The following DAPL1 variants were observed in gnomAD, a reference collection of about 807,000 sequenced individuals.
DAPL1 encodes the protein death associated protein like 1, also known as death-associated protein-like 1.
DAPL1 carries 17 observed loss-of-function variants against 12.9 expected under a neutral mutation model. The observed-to-expected ratio is 1.32, with a 90% CI of 0.90 to 1.98. The LOEUF is 1.98. Ranked by LOEUF, DAPL1 falls within the 30% of genes most tolerant of loss-of-function variation. DAPL1 has a pLI of 0.00. For missense variants in DAPL1, 157 were observed against 125.7 expected (o/e 1.25, Z -1.19); for synonymous variants, 51 against 42.0 (o/e 1.21, Z -0.82).
intron 1 of DAPL1, 125 bp downstream of exon 1, chr2:158,795,555 C>A: frequency 1.2e-6 from 1 of 869,298 alleles, no homozygotes; most frequent in South Asian, 1.6e-5. Context: ...TAACTCCATG[C>A]AGCCTGACTT....
chr2:158,809,357 C>CCAAAAAAAAAAAAAAAAA (rs2059218239), intron 3 of DAPL1, among the ~76,000 whole-genome samples: 1 of 69,528 alleles, frequency 1.4e-5, no homozygotes, highest in Non-Finnish European at 2.7e-5. Context: ...GACTCCATCT[C>CCAAAAAAAAAAAAAAAAA]AAAAAAAAAA....
chr2:158,804,766 G>A (rs1009845569), intron 2 of DAPL1, among the ~76,000 whole-genome samples: 1 of 152,222 alleles, frequency 6.6e-6, no homozygotes, highest in Non-Finnish European at 1.5e-5. Context: ...TGAAGTAAAT[G>A]TCCTGAATTA....
At chr2:158,811,887 C>T (rs1222456761) in intron 3 of DAPL1, among the ~76,000 whole-genome samples, 1 of 152,194 alleles carries the variant, frequency 6.6e-6, no homozygotes, top group Non-Finnish European at 1.5e-5. Context: ...AAAGCTGTTT[C>T]TACTTATTTG....
chr2:158,795,918 T>C (rs1019032746), intron 1 of DAPL1, among the ~76,000 whole-genome samples: 2 of 152,188 alleles, frequency 1.3e-5, no homozygotes, highest in African/African-American at 4.8e-5. Flanking sequence ...ATCACATTTC[T>C]TTCTCCCTCC....
chr2:158,804,447 C>A (rs929750245), intron 2 of DAPL1, 78 bp downstream of exon 2: 43 of 1,072,942 alleles, frequency 4.0e-5, no homozygotes, highest in Non-Finnish European at 5.2e-5. Flanking sequence ...TTAGGACAAA[C>A]CAAGGCTCCC....
rs549509457 is a variant in DAPL1 at position 158,805,668 on chromosome 2, C to T, written c.146+1299C>T. Among the ~76,000 whole-genome samples the T allele has an allele frequency of 2.7e-5, 4 of 148,624 alleles. 1 individual carries two copies. The highest frequency in any genetic ancestry group is 4.9e-5 in the African/African-American group (2 of 41,034). On this transcript the variant is annotated intron_variant, in intron 2 of 3. Coordinates refer to ENST00000309950, the MANE Select transcript of DAPL1 (RefSeq NM_001017920.3). ...GCCAAAGGACAGGTCATTCATTTCTCTGCATCTCAGAAAAATGGGACTTAC... is the reference window on the plus strand; with the variant it reads ...GCCAAAGGACAGGTCATTCATTTCTTTGCATCTCAGAAAAATGGGACTTAC...
intron 3 of DAPL1, 93 bp downstream of exon 3, chr2:158,807,208 T>A: frequency 1.1e-6 from 1 of 925,328 alleles, no homozygotes; most frequent in Non-Finnish European, 1.6e-6. Flanking sequence ...CTGAGGTTTT[T>A]TCCAACCCAG....
intron 3 of DAPL1, among the ~76,000 whole-genome samples, chr2:158,813,675 C>T (rs1011113081): frequency 1.3e-5 from 2 of 151,892 alleles, no homozygotes; most frequent in African/African-American, 4.8e-5. Flanking sequence ...CCTGCCTCAG[C>T]CTCCAGAGTA....
At chr2:158,811,838 G>A (rs2059232350) in intron 3 of DAPL1, among the ~76,000 whole-genome samples, 1 of 152,218 alleles carries the variant, frequency 6.6e-6, no homozygotes, top group Non-Finnish European at 1.5e-5. Context: ...AAGTTAAAAT[G>A]TCAGACTAAA....
intron 3 of DAPL1, chr2:158,807,563 G>A (rs1159879779): frequency 6.4e-6 from 1 of 156,170 alleles, no homozygotes; most frequent in East Asian, 1.9e-4. Context: ...GAGGAAGGCT[G>A]GGTACCAGCT....
intron 1 of DAPL1, among the ~76,000 whole-genome samples, chr2:158,803,573 C>T (rs976105308): frequency 6.6e-6 from 1 of 152,200 alleles, no homozygotes; most frequent in African/African-American, 2.4e-5. Flanking sequence ...TGGGTTGTTC[C>T]TTTTCAAAAG....
intron 3 of DAPL1, 26 bp downstream of exon 3, chr2:158,807,141 G>A (rs774227473): frequency 1.0e-5 from 16 of 1,581,772 alleles, no homozygotes; most frequent in South Asian, 2.3e-5. Context: ...ATCACATAGC[G>A]CTCCAAGTCA....
intron 3 of DAPL1, among the ~76,000 whole-genome samples, chr2:158,812,231 T>C (rs2059234939): frequency 6.6e-6 from 1 of 152,244 alleles, no homozygotes; most frequent in African/African-American, 2.4e-5. Context: ...TCCTACTTTT[T>C]TCTCAATCCT....
intron 1 of DAPL1, among the ~76,000 whole-genome samples, chr2:158,799,290 A>T: frequency 6.6e-6 from 1 of 152,204 alleles, no homozygotes; most frequent in East Asian, 1.9e-4. Flanking sequence ...AAATCAGTTC[A>T]TATTTTACTT....
At chr2:158,815,098 T>C (rs540374533) in intron 3 of DAPL1, among the ~76,000 whole-genome samples, 2 of 152,362 alleles carry the variant, frequency 1.3e-5, no homozygotes, top group South Asian at 2.1e-4. Context: ...TATTTACTCA[T>C]AGATGTCTTC....
At chr2:158,804,967 G>A (rs975007419) in intron 2 of DAPL1, among the ~76,000 whole-genome samples, 1 of 152,126 alleles carries the variant, frequency 6.6e-6, no homozygotes, top group Admixed American at 6.5e-5. Context: ...TAAGCAAATG[G>A]CCCAACCAGT....
At chr2:158,796,973 G>A (rs1316388793) in intron 1 of DAPL1, among the ~76,000 whole-genome samples, 1 of 152,216 alleles carries the variant, frequency 6.6e-6, no homozygotes, top group Non-Finnish European at 1.5e-5. Flanking sequence ...ACAAAGAAGT[G>A]TCATCCTTCA....
chr2:158,813,773 T>C (rs1003226297), intron 3 of DAPL1, among the ~76,000 whole-genome samples: 12 of 152,282 alleles, frequency 7.9e-5, no homozygotes, highest in South Asian at 6.2e-4. Context: ...GCCAGGATGG[T>C]CTCGATCGCC....
chr2:158,798,565 C>A (rs899516831), intron 1 of DAPL1, among the ~76,000 whole-genome samples: 1 of 152,160 alleles, frequency 6.6e-6, no homozygotes, highest in Non-Finnish European at 1.5e-5. Context: ...AACAGCCCTG[C>A]AGATGGGTGA....
Sources: allele counts gnomAD v4.1 joint callset (sites outside exome capture counted in the v4.1 genomes callset), GRCh38; gene constraint gnomAD v4.1.1; transcripts MANE v1.5; gene names NCBI Gene and HGNC (gene_info 2026-07-23, HGNC 2026-07-21).